MTUS2: variants seen among roughly 807,000 people sequenced by gnomAD.
MTUS2 encodes the protein microtubule-associated tumor suppressor candidate 2.
Under a neutral mutation model 114.1 loss-of-function variants are expected in MTUS2, and 40 were observed. The observed-to-expected ratio is 0.35, with a 90% CI of 0.27 to 0.46. The LOEUF is 0.46. Ranked by LOEUF, MTUS2 falls within the 20% of genes least tolerant of loss-of-function variation. The pLI is 1.00. For synonymous variants in MTUS2, 688 were observed against 672.0 expected (o/e 1.02, Z -0.37); for missense variants, 1,679 against 1,705.4 (o/e 0.98, Z 0.27).
At chr13:29,488,132 T>A in intron 11 of MTUS2, 127 bp downstream of exon 11, 2 of 706,850 alleles carry the variant, frequency 2.8e-6, no homozygotes, top group Non-Finnish European at 4.8e-6. Context: ...CCTGGTGCAT[T>A]TTTTCCTGTT....
At chr13:29,467,767 A>C (rs1411025440) in intron 9 of MTUS2, among the ~76,000 whole-genome samples, 2 of 152,196 alleles carry the variant, frequency 1.3e-5, no homozygotes, top group Non-Finnish European at 2.9e-5. Context: ...TTATATTCGC[A>C]CACAGGATCA....
chr13:29,493,642 T>C (rs1264090802), intron 12 of MTUS2, among the ~76,000 whole-genome samples: 1 of 152,148 alleles, frequency 6.6e-6, no homozygotes, highest in African/African-American at 2.4e-5. Context: ...AGTGTACTCT[T>C]CAAAAACTAA....
intron 6 of MTUS2, among the ~76,000 whole-genome samples, chr13:29,296,009 A>T (rs1898925776): frequency 6.6e-6 from 1 of 152,156 alleles, no homozygotes; most frequent in African/African-American, 2.4e-5. Flanking sequence ...GCCAAACCAT[A>T]TCATTACCAC....
At chr13:29,498,795 T>C (rs1250130509) in intron 14 of MTUS2, among the ~76,000 whole-genome samples, 1 of 152,180 alleles carries the variant, frequency 6.6e-6, no homozygotes, top group East Asian at 1.9e-4. Flanking sequence ...TTTCCCACAG[T>C]TGTGCTGTCT....
chr13:28,968,416 T>G (rs879300915), intron 2 of MTUS2, among the ~76,000 whole-genome samples: 18 of 152,218 alleles, frequency 1.2e-4, no homozygotes, highest in Non-Finnish European at 2.5e-4. Flanking sequence ...TAGTTATGAT[T>G]TTTATATCAG....
At chr13:28,884,980 A>G (rs1465928981) in intron 2 of MTUS2, among the ~76,000 whole-genome samples, 1 of 152,118 alleles carries the variant, frequency 6.6e-6, no homozygotes, top group Non-Finnish European at 1.5e-5. Context: ...GTGTGTGTAT[A>G]AAAATTAATT....
chr13:29,271,414 T>C (rs890609356), intron 5 of MTUS2, among the ~76,000 whole-genome samples: 1 of 152,228 alleles, frequency 6.6e-6, no homozygotes, highest in Non-Finnish European at 1.5e-5. Flanking sequence ...TCCTTAATGC[T>C]GGGTCTTTAC....
At chr13:29,118,613 T>C (rs1233346313) in intron 5 of MTUS2, among the ~76,000 whole-genome samples, 3 of 152,202 alleles carry the variant, frequency 2.0e-5, no homozygotes, top group African/African-American at 7.2e-5. Context: ...TGGGAGTCTG[T>C]TAGCAGTGTG....
At chr13:29,047,038 C>T (rs927245189) in intron 4 of MTUS2, among the ~76,000 whole-genome samples, 5 of 152,350 alleles carry the variant, frequency 3.3e-5, no homozygotes, top group South Asian at 4.1e-4. Flanking sequence ...TGTGCTCTCA[C>T]GGTGACTGGC....
intron 4 of MTUS2, among the ~76,000 whole-genome samples, chr13:29,037,336 G>T (rs1049176468): frequency 6.6e-6 from 1 of 152,194 alleles, no homozygotes; most frequent in African/African-American, 2.4e-5. Flanking sequence ...TTGAATATTG[G>T]CTCCCACTCT....
chr13:29,359,988 G>T (rs1033422241), intron 8 of MTUS2, among the ~76,000 whole-genome samples: 1 of 152,204 alleles, frequency 6.6e-6, no homozygotes, highest in African/African-American at 2.4e-5. Flanking sequence ...GATTCTCCTT[G>T]TGCCCTCAAT....
At chr13:28,848,718 C>G (rs1192195533) in intron 2 of MTUS2, among the ~76,000 whole-genome samples, 4 of 152,008 alleles carry the variant, frequency 2.6e-5, no homozygotes, top group Non-Finnish European at 4.4e-5. Flanking sequence ...CCTGCCAATC[C>G]CGCTGCTGTT....
intron 2 of MTUS2, among the ~76,000 whole-genome samples, chr13:29,007,267 G>A (rs1005563887): frequency 6.6e-6 from 1 of 151,902 alleles, no homozygotes; most frequent in Non-Finnish European, 1.5e-5. Flanking sequence ...AGTGATAAAA[G>A]GCTTATTATA....
chr13:29,468,412 C>G (rs1880039345), intron 9 of MTUS2, among the ~76,000 whole-genome samples: 1 of 152,110 alleles, frequency 6.6e-6, no homozygotes, highest in African/African-American at 2.4e-5. Flanking sequence ...AACCTTGTCT[C>G]TACTAAAAAT....
chr13:28,995,282 C>T (rs532798507), intron 2 of MTUS2, among the ~76,000 whole-genome samples: 29 of 152,270 alleles, frequency 1.9e-4, no homozygotes, highest in African/African-American at 4.8e-4. Flanking sequence ...GTACCAGTAC[C>T]GTGCTGTTTG....
intron 2 of MTUS2, among the ~76,000 whole-genome samples, chr13:28,960,689 A>T (rs1883287838): frequency 6.6e-6 from 1 of 152,198 alleles, no homozygotes; most frequent in South Asian, 2.1e-4. Context: ...AGTGGTTTCC[A>T]GGGACTGGGG....
At chr13:29,040,227 T>A (rs1425924550) in intron 4 of MTUS2, among the ~76,000 whole-genome samples, 1 of 152,218 alleles carries the variant, frequency 6.6e-6, no homozygotes, top group Non-Finnish European at 1.5e-5. Flanking sequence ...TGTTTACTTT[T>A]CCATTCCTGA....
chr13:29,350,916 C>T (rs911274054), intron 7 of MTUS2, among the ~76,000 whole-genome samples: 3 of 147,846 alleles, frequency 2.0e-5, no homozygotes, highest in Non-Finnish European at 3.0e-5. Context: ...AAAGGCCCCA[C>T]TTACAGATGT....
intron 8 of MTUS2, chr13:29,428,876 C>A (rs996212242): frequency 6.2e-7 from 1 of 1,614,112 alleles, no homozygotes; most frequent in East Asian, 2.2e-5. Context: ...TTATAACTGC[C>A]TTCAGTGCCT....
Sources: allele counts gnomAD v4.1 joint callset (sites outside exome capture counted in the v4.1 genomes callset), GRCh38; gene constraint gnomAD v4.1.1; transcripts MANE v1.5; gene names NCBI Gene and HGNC (gene_info 2026-07-23, HGNC 2026-07-21).